Variants in GRID2 observed in about 807,000 individuals in gnomAD.
GRID2 encodes glutamate receptor ionotropic, delta-2.
In GRID2, 33 loss-of-function variants were observed where a neutral mutation model predicts 114.8. The ratio of observed to expected loss-of-function variants is 0.29; its 90% confidence interval spans 0.22 to 0.38. GRID2 has a LOEUF of 0.38. Among genes scored for constraint, GRID2 ranks in the 10% least tolerant of loss-of-function variants. The pLI, the probability that GRID2 is intolerant of heterozygous loss-of-function variation, is 1.00. For missense variants in GRID2, 1,184 were observed against 1,257.7 expected (o/e 0.94, Z 0.89); for synonymous variants, 505 against 449.9 (o/e 1.12, Z -1.55).
chr4:93,438,878 C>CAT (rs1721358863), intron 10 of GRID2, among the ~76,000 whole-genome samples: 1 of 151,434 alleles, frequency 6.6e-6, no homozygotes, highest in Non-Finnish European at 1.5e-5. Flanking sequence ...TTCCCCTTCC[C>CAT]GTGTCCATGT....
At chr4:93,541,915 G>A in intron 13 of GRID2, among the ~76,000 whole-genome samples, 1 of 152,114 alleles carries the variant, frequency 6.6e-6, no homozygotes, top group East Asian at 1.9e-4. Context: ...TGGACAATAA[G>A]TTATGGAAGA....
At chr4:92,485,352 T>A (rs1172091771) in intron 1 of GRID2, among the ~76,000 whole-genome samples, 1 of 129,756 alleles carries the variant, frequency 7.7e-6, no homozygotes, top group Non-Finnish European at 1.7e-5. Flanking sequence ...ATATATAGTG[T>A]GTGTGTGTGT....
chr4:92,406,637 C>A (rs982250939), intron 1 of GRID2, among the ~76,000 whole-genome samples: 23 of 151,756 alleles, frequency 1.5e-4, no homozygotes, highest in South Asian at 4.2e-4. Flanking sequence ...AAGGTCCCAA[C>A]AATCCTGTCA....
intron 2 of GRID2, among the ~76,000 whole-genome samples, chr4:92,768,088 A>G (rs1738354170): frequency 6.6e-6 from 1 of 152,172 alleles, no homozygotes; most frequent in Non-Finnish European, 1.5e-5. Context: ...TACTAAAAGA[A>G]AGTTGTGATT....
intron 5 of GRID2, among the ~76,000 whole-genome samples, chr4:93,211,837 T>TA (rs1445363754): frequency 1.5e-4 from 23 of 152,214 alleles, no homozygotes; most frequent in Admixed American, 1.4e-3. Flanking sequence ...TTTTAACCCA[T>TA]AAAAAAATAA....
chr4:92,730,342 GA>G (rs1452384540), intron 2 of GRID2, among the ~76,000 whole-genome samples: 1 of 151,738 alleles, frequency 6.6e-6, no homozygotes, highest in Non-Finnish European at 1.5e-5. Context: ...CTCTCCACAG[GA>G]AAAGTTGTTT....
chr4:93,378,866 C>T (rs1763606105), intron 8 of GRID2, among the ~76,000 whole-genome samples: 1 of 151,984 alleles, frequency 6.6e-6, no homozygotes, highest in Non-Finnish European at 1.5e-5. Flanking sequence ...TGAATGATGT[C>T]CCAACTGAAA....
chr4:93,426,524 ATGT>A (rs1768864347), intron 10 of GRID2, among the ~76,000 whole-genome samples: 1 of 152,132 alleles, frequency 6.6e-6, no homozygotes, highest in South Asian at 2.1e-4. Context: ...TAGTATGTTG[ATGT>A]TGTTTTTAAT....
chr4:93,351,606 G>A (rs1327885296), intron 8 of GRID2, among the ~76,000 whole-genome samples: 1 of 152,000 alleles, frequency 6.6e-6, no homozygotes, highest in Non-Finnish European at 1.5e-5. Context: ...TCATGAAAAT[G>A]GAGTTAAGTC....
At chr4:92,901,955 T>C (rs1430101987) in intron 2 of GRID2, among the ~76,000 whole-genome samples, 1 of 152,078 alleles carries the variant, frequency 6.6e-6, no homozygotes, top group Non-Finnish European at 1.5e-5. Flanking sequence ...ATCAGTTCTT[T>C]GTATGTTTGG....
chr4:93,465,078 T>C (rs930981084), intron 11 of GRID2, among the ~76,000 whole-genome samples: 1 of 152,168 alleles, frequency 6.6e-6, no homozygotes, highest in Non-Finnish European at 1.5e-5. Flanking sequence ...GAGCTTAGAA[T>C]ACACAAGTGA....
intron 2 of GRID2, among the ~76,000 whole-genome samples, chr4:92,779,332 A>T (rs529363300): frequency 2.6e-4 from 40 of 152,030 alleles, no homozygotes; most frequent in South Asian, 1.0e-3. Flanking sequence ...TATTGCTTTC[A>T]TTACTGTTCA....
chr4:93,697,875 A>G (rs1214951145), intron 14 of GRID2, among the ~76,000 whole-genome samples: 1 of 148,664 alleles, frequency 6.7e-6, no homozygotes, highest in Non-Finnish European at 1.5e-5. Flanking sequence ...GTGTGTATAT[A>G]TATATTTCAA....
At chr4:92,666,845 C>A (rs1003041178) in intron 2 of GRID2, among the ~76,000 whole-genome samples, 1 of 150,976 alleles carries the variant, frequency 6.6e-6, no homozygotes, top group African/African-American at 2.4e-5. Flanking sequence ...CTCTGGAAGT[C>A]ACTTCAGCCA....
In GRID2 at chr4:93,610,912, C is replaced by T. The variant is rs1189400661; in HGVS notation, c.2194-15357C>T. Among the ~76,000 whole-genome samples the T allele has an allele frequency of 1.0e-4, 14 of 140,584 alleles. 1 individual carries two copies. Among genetic ancestry groups the T allele is most frequent in the South Asian group, 9.2e-4 (4 of 4,356 alleles). The allele number at this position is 140,584 out of a possible 152,430, so 92.2% of individuals were successfully genotyped here. A position where few individuals can be genotyped will look rare whatever the true frequency, so the allele number is the denominator to read the frequency against. On this transcript the variant is annotated intron_variant, in intron 13 of 15. Coordinates refer to ENST00000282020, the MANE Select transcript of GRID2 (RefSeq NM_001510.4). ...TGGTACCAGTTCCTCCTTGTACTTC[C>T]GGTAGAATTTGGCTGTGAATCCATC...
At chr4:92,682,556 A>C (rs1733700929) in intron 2 of GRID2, among the ~76,000 whole-genome samples, 1 of 152,196 alleles carries the variant, frequency 6.6e-6, no homozygotes, top group South Asian at 2.1e-4. Context: ...CAGCCAAGGA[A>C]AAAAACTGGG....
chr4:92,325,840 T>G (rs1296094270), intron 1 of GRID2, among the ~76,000 whole-genome samples: 1 of 151,812 alleles, frequency 6.6e-6, no homozygotes, highest in Non-Finnish European at 1.5e-5. Flanking sequence ...CAATCTATAT[T>G]GTTTTCTGAT....
intron 1 of GRID2, among the ~76,000 whole-genome samples, chr4:92,332,077 T>G (rs1726920037): frequency 6.6e-6 from 1 of 152,170 alleles, no homozygotes; most frequent in Admixed American, 6.5e-5. Context: ...GCTTAGAAAC[T>G]TGAACACACG....
At chr4:93,683,481 G>A (rs1258075208) in intron 14 of GRID2, among the ~76,000 whole-genome samples, 1 of 152,036 alleles carries the variant, frequency 6.6e-6, no homozygotes, top group Non-Finnish European at 1.5e-5. Context: ...GTAAATGCAT[G>A]TGATTTTGGT....
Sources: allele counts gnomAD v4.1 joint callset (sites outside exome capture counted in the v4.1 genomes callset), GRCh38; gene constraint gnomAD v4.1.1; transcripts MANE v1.5; gene names NCBI Gene and HGNC (gene_info 2026-07-23, HGNC 2026-07-21).